CD99L2: variants seen among roughly 807,000 people sequenced by gnomAD.
The protein encoded by CD99L2 is CD99 molecule like 2, also known as CD99 antigen-like protein 2.
A neutral mutation model predicts 27.3 loss-of-function variants in CD99L2; 24 were observed. The observed-to-expected ratio is 0.88, with a 90% CI of 0.64 to 1.24. The LOEUF is 1.24. Ranked by LOEUF, CD99L2 falls within the 50% of genes most tolerant of loss-of-function variation. CD99L2 has a pLI of 0.00. For missense variants in CD99L2, 255 were observed against 221.6 expected (o/e 1.15, Z -0.96); for synonymous variants, 97 against 87.9 (o/e 1.10, Z -0.58).
chrX:150,778,731 A>G (rs1469550813), intron 7 of CD99L2, among the ~76,000 whole-genome samples: 3 of 105,309 alleles, frequency 2.8e-5, no homozygotes, highest in Non-Finnish European at 3.9e-5. Flanking sequence ...TCCTGGGGAA[A>G]AATGAGGTTT....
Position 150,768,219 on chromosome X carries a change from G to A in CD99L2, c.*815C>T, listed in dbSNP as rs1195502722. On this transcript the variant is annotated 3_prime_UTR_variant, in exon 11 of 11. Coordinates refer to ENST00000370377, the MANE Select transcript of CD99L2 (RefSeq NM_031462.4). ...GGGTGAGCACCTCTCCCCAACACAG[G>A]ATAAAACTCATCTCCGGTGCAGAAA... 8.9e-6 allele frequency: 1 copy of A among 111,979 alleles called. No homozygotes were observed. Among genetic ancestry groups the A allele is most frequent in the African/African-American group, 3.3e-5 (1 of 30,719 alleles). 9.2% of individuals were successfully genotyped at this position (111,979 alleles called of 1,213,427 possible). A position where few individuals can be genotyped will look rare whatever the true frequency, so the allele number is the denominator to read the frequency against.
intron 9 of CD99L2, among the ~76,000 whole-genome samples, chrX:150,770,998 G>T (rs2043442343): frequency 8.9e-6 from 1 of 112,461 alleles, no homozygotes; most frequent in South Asian, 3.6e-4. Context: ...GTTACAAGAG[G>T]GATTCGGGGA....
intron 4 of CD99L2, among the ~76,000 whole-genome samples, chrX:150,798,390 G>C (rs782371892): frequency 2.7e-5 from 3 of 110,073 alleles, no homozygotes; most frequent in African/African-American, 9.9e-5. Flanking sequence ...TTGCATATAC[G>C]GTCACTAGAT....
At chrX:150,790,106 T>C (rs946834047) in intron 7 of CD99L2, among the ~76,000 whole-genome samples, 11 of 110,847 alleles carry the variant, frequency 9.9e-5, no homozygotes, top group African/African-American at 3.6e-4. Flanking sequence ...GCCTATATAC[T>C]GTATGGCTCC....
chrX:150,767,749 G>C lies in CD99L2; in HGVS notation c.*1285C>G, dbSNP rs1419596694. The C allele has an allele frequency of 8.9e-6, 1 of 111,829 alleles. No individual in the cohort carries two copies. Among genetic ancestry groups the C allele is most frequent in the African/African-American group, 3.3e-5 (1 of 30,748 alleles). 9.2% of individuals were successfully genotyped at this position (111,829 alleles called of 1,213,427 possible). A position where few individuals can be genotyped will look rare whatever the true frequency, so the allele number is the denominator to read the frequency against. ...CCTGCCTGTCTGGTGACTCATATCT[G>C]CTTTCAGAAGTGCTTTCTGACACAG... On this transcript the variant is annotated 3_prime_UTR_variant, in exon 11 of 11. Transcript: ENST00000370377.
intron 1 of CD99L2, among the ~76,000 whole-genome samples, chrX:150,861,097 G>A (rs971312213): frequency 2.1e-5 from 2 of 96,041 alleles, no homozygotes; most frequent in South Asian, 5.4e-4. Flanking sequence ...AGCCGAGACC[G>A]CACCACTGCA....
chrX:150,856,803 T>A (rs2046897135), intron 1 of CD99L2, among the ~76,000 whole-genome samples: 1 of 110,006 alleles, frequency 9.1e-6, no homozygotes, highest in Non-Finnish European at 1.9e-5. Flanking sequence ...AGAATTCAAA[T>A]CATTGATTCT....
intron 1 of CD99L2, among the ~76,000 whole-genome samples, chrX:150,890,079 G>A (rs2047482448): frequency 9.1e-6 from 1 of 110,111 alleles, no homozygotes; most frequent in African/African-American, 3.3e-5. Flanking sequence ...CATGAACCCG[G>A]GAGGCGGAGT....
In CD99L2 at chrX:150,831,250, T is replaced by C. The variant is rs1557421052; in HGVS notation, c.111A>G (p.Lys37=). 12 of 1,204,053 alleles carry C rather than the reference T, an allele frequency of 1.0e-5. No homozygotes were observed. The highest frequency in any genetic ancestry group is 2.5e-4 in the Middle Eastern group (1 of 4,074). ...FDDFNLEDAV[K]ETSSVKQPWD... ...ACTCACGCTTTACTGAGGAAGTTTCTTTCACTGCATCCTCCAGGTTAAAAT... is the reference window on the plus strand; with the variant it reads ...ACTCACGCTTTACTGAGGAAGTTTCCTTCACTGCATCCTCCAGGTTAAAAT... Residue 37 remains lysine (K), a synonymous_variant, in exon 2 of 11, where the codon AAA becomes AAG. Coordinates refer to ENST00000370377, the MANE Select transcript of CD99L2 (RefSeq NM_031462.4).
Position 150,831,704 on chromosome X carries a change from G to C in CD99L2, c.68-411C>G, listed in dbSNP as rs1412532759. Reference sequence around the variant, plus strand: ...TGTACAACAAACCCCCATGATACAAGTTTACCTTTATAACAAACCTGCACA... The same window carrying C: ...TGTACAACAAACCCCCATGATACAACTTTACCTTTATAACAAACCTGCACA... On this transcript the variant is annotated intron_variant, in intron 1 of 10. Transcript: ENST00000370377. Among the ~76,000 whole-genome samples, 4 of 110,649 alleles carry C rather than the reference G, an allele frequency of 3.6e-5. No individual in the cohort carries two copies. The Admixed American group carries it at 3.9e-4, about 11-fold the overall frequency.
chrX:150,824,491 AAG>A (rs1569566006), intron 2 of CD99L2, among the ~76,000 whole-genome samples: 15 of 83,773 alleles, frequency 1.8e-4, no homozygotes, highest in African/African-American at 3.7e-4. Flanking sequence ...AAGAAAGAAG[AAG>A]AAGAAAGAAG....
At chrX:150,807,998 T>C (rs2046020165) in intron 4 of CD99L2, among the ~76,000 whole-genome samples, 1 of 112,698 alleles carries the variant, frequency 8.9e-6, no homozygotes. Flanking sequence ...TGCATACGTA[T>C]ACCTACAGGG....
At chrX:150,869,105 T>C (rs1352888229) in intron 1 of CD99L2, among the ~76,000 whole-genome samples, 1 of 112,156 alleles carries the variant, frequency 8.9e-6, no homozygotes, top group African/African-American at 3.2e-5. Context: ...ATGCCTCTCC[T>C]TGTGAGTCTG....
chrX:150,881,866 G>A (rs1175811236), intron 1 of CD99L2, among the ~76,000 whole-genome samples: 1 of 101,564 alleles, frequency 9.8e-6, no homozygotes, highest in Non-Finnish European at 2.0e-5. Context: ...TGCCCAGGCT[G>A]GAGTGCAATG....
At chrX:150,790,942 T>TG (rs1418357727) in intron 7 of CD99L2, among the ~76,000 whole-genome samples, 1 of 111,406 alleles carries the variant, frequency 9.0e-6, no homozygotes, top group Non-Finnish European at 1.9e-5. Flanking sequence ...GTGGGGTCTT[T>TG]GGGAGTTAAT....
At chrX:150,876,352 A>T (rs1435987460) in intron 1 of CD99L2, among the ~76,000 whole-genome samples, 1 of 112,093 alleles carries the variant, frequency 8.9e-6, no homozygotes, top group Non-Finnish European at 1.9e-5. Flanking sequence ...CCTTCTGCCT[A>T]GTTTCTTTTA....
chrX:150,848,111 G>A (rs1409996847), intron 1 of CD99L2, among the ~76,000 whole-genome samples: 1 of 93,472 alleles, frequency 1.1e-5, no homozygotes, highest in Non-Finnish European at 2.1e-5. Context: ...TGGCCTGCAG[G>A]CCCCCCCCCC....
At chrX:150,896,086 C>T (rs1208969394) in intron 1 of CD99L2, among the ~76,000 whole-genome samples, 2 of 107,945 alleles carry the variant, frequency 1.9e-5, no homozygotes, top group Non-Finnish European at 3.8e-5. Context: ...ACCAAAGCTG[C>T]TTCTGGTTTC....
intron 1 of CD99L2, among the ~76,000 whole-genome samples, chrX:150,868,012 G>A (rs2047095657): frequency 9.5e-6 from 1 of 105,137 alleles, no homozygotes; most frequent in Non-Finnish European, 1.9e-5. Flanking sequence ...AGCCAGGGAG[G>A]CGGAGCTTGC....
Sources: gnomAD v4.1 joint callset for allele counts (sites outside exome capture counted in the v4.1 genomes callset) on GRCh38, gnomAD v4.1.1 for gene constraint, MANE v1.5 for transcripts, NCBI Gene and HGNC (gene_info 2026-07-23, HGNC 2026-07-21) for gene names.